Variants in XPO4 observed in about 807,000 individuals in gnomAD.
XPO4 encodes the protein exportin 4.
In XPO4, 39 loss-of-function variants were observed where a neutral mutation model predicts 143.0. That is an observed-to-expected ratio of 0.27 (90% CI 0.21 to 0.36). The LOEUF is 0.36. Among genes scored for constraint, XPO4 ranks in the 10% least tolerant of loss-of-function variants. The pLI, the probability that XPO4 is intolerant of heterozygous loss-of-function variation, is 1.00. For missense variants in XPO4, 907 were observed against 1,348.0 expected (o/e 0.67, Z 5.12); for synonymous variants, 439 against 474.0 (o/e 0.93, Z 0.96).
rs773959204 is a variant in XPO4, at chr13:20,800,854, C to A, written c.1954G>T (p.Val652Leu). ...ACCTGATCATACAGTTTTTCATCCA[C>A]CAGGAGATAAGTCTTTGCCCAGCGT... is the stretch of plus-strand genomic sequence containing the variant. ...LKRWAKTYLLVDEKLYDQISL... is the reference protein window; with the variant it reads ...LKRWAKTYLLLDEKLYDQISL... Residue 652 changes from valine (V) to leucine (L), a missense_variant, in exon 14 of 23, where the codon GTG (valine) becomes TTG (leucine). Transcript: ENST00000255305. 43 of 1,613,662 alleles carry A rather than the reference C, an allele frequency of 2.7e-5. No individual in the cohort carries two copies. Among genetic ancestry groups the A allele is most frequent in the Non-Finnish European group, 3.6e-5 (42 of 1,179,914 alleles).
At chr13:20,847,567 A>G (rs2060040382) in intron 4 of XPO4, among the ~76,000 whole-genome samples, 1 of 152,198 alleles carries the variant, frequency 6.6e-6, no homozygotes, top group South Asian at 2.1e-4. Flanking sequence ...TTAGGTCTCA[A>G]TGGGCATTCC....
intron 1 of XPO4, 29 bp downstream of exon 1, chr13:20,902,641 C>A: frequency 6.5e-7 from 1 of 1,542,914 alleles, no homozygotes; most frequent in Non-Finnish European, 8.7e-7. Flanking sequence ...CCCGCGAATC[C>A]CGGGGTCTGA....
intron 1 of XPO4, among the ~76,000 whole-genome samples, chr13:20,901,063 C>T (rs1435776145): frequency 6.6e-6 from 1 of 152,164 alleles, no homozygotes; most frequent in Non-Finnish European, 1.5e-5. Context: ...GAACTGAGTT[C>T]AAGACCTAAT....
intron 1 of XPO4, among the ~76,000 whole-genome samples, chr13:20,895,275 T>C (rs780438303): frequency 6.6e-6 from 1 of 152,186 alleles, no homozygotes; most frequent in Non-Finnish European, 1.5e-5. Flanking sequence ...ATTCAAACTA[T>C]ATTAAAACTA....
chr13:20,788,444 T>C (rs750077420), intron 20 of XPO4, 42 bp downstream of exon 20: 14 of 1,572,546 alleles, frequency 8.9e-6, no homozygotes, highest in African/African-American at 2.8e-5. Flanking sequence ...AAGATCTTTT[T>C]CCCCAAGTAA....
rs2059366751 is a variant in XPO4 at position 20,796,997 on chromosome 13, T to A, written c.2383A>T (p.Met795Leu). ...RVINQENFQQ[M>L]CQQEEVKQEI... ...TGCTTGACTTCCTCTTGCTGACACA[T>A]CTGCTGGAAGTTTTCTTGGTTTATC... Residue 795 changes from methionine (M) to leucine (L), a missense_variant, in exon 17 of 23, where the codon ATG (methionine) becomes TTG (leucine). By Grantham distance (15) the Met-to-Leu change is conservative (BLOSUM62 2). Coordinates refer to ENST00000255305, the MANE Select transcript of XPO4 (RefSeq NM_022459.5). 6.2e-7 allele frequency: 1 copy of A among 1,612,968 alleles called. No individual in the cohort carries two copies. The highest frequency in any genetic ancestry group is 1.3e-5 in the African/African-American group (1 of 75,000).
chr13:20,854,043 CAACTT>C (rs978879612), intron 4 of XPO4, among the ~76,000 whole-genome samples: 37 of 152,122 alleles, frequency 2.4e-4, no homozygotes, highest in African/African-American at 8.9e-4. Flanking sequence ...ACAACAGTCA[CAACTT>C]AACGAGGTGT....
chr13:20,868,828 T>A, intron 1 of XPO4, 127 bp from the exon 2 acceptor site: 1 of 766,528 alleles, frequency 1.3e-6, no homozygotes, highest in Non-Finnish European at 2.0e-6. Context: ...AATTCTTGCT[T>A]AACTTTTTAA....
At chr13:20,787,180 A>T in intron 21 of XPO4, 123 bp from the exon 22 acceptor site, 3 of 875,522 alleles carry the variant, frequency 3.4e-6, no homozygotes, top group Non-Finnish European at 5.1e-6. Context: ...TCAATCTGAA[A>T]TTTTCCTTAA....
intron 6 of XPO4, among the ~76,000 whole-genome samples, chr13:20,833,902 C>T (rs1317356776): frequency 6.6e-6 from 1 of 152,074 alleles, no homozygotes; most frequent in Non-Finnish European, 1.5e-5. Context: ...GAGACCGCCC[C>T]GGACCCCAGC....
intron 16 of XPO4, among the ~76,000 whole-genome samples, chr13:20,798,859 A>C (rs537953367): frequency 6.6e-6 from 1 of 151,912 alleles, no homozygotes; most frequent in South Asian, 2.1e-4. Context: ...GTCTCTACTA[A>C]AAAAAACAAA....
chr13:20,861,113 T>C (rs1474671795), intron 3 of XPO4, among the ~76,000 whole-genome samples: 1 of 152,162 alleles, frequency 6.6e-6, no homozygotes, highest in Admixed American at 6.5e-5. Context: ...AGCACACACA[T>C]TTCTGATTAC....
intron 6 of XPO4, among the ~76,000 whole-genome samples, chr13:20,829,100 T>G (rs1043667302): frequency 6.6e-5 from 10 of 151,978 alleles, no homozygotes; most frequent in African/African-American, 1.9e-4. Context: ...TCTTTGTGTT[T>G]TGTGTGTGTG....
intron 1 of XPO4, among the ~76,000 whole-genome samples, chr13:20,873,200 A>G (rs918298245): frequency 3.0e-4 from 45 of 151,984 alleles, no homozygotes; most frequent in African/African-American, 9.2e-4. Flanking sequence ...TCTAGCCCCA[A>G]CCCTCAGCAT....
chr13:20,901,381 C>T (rs2060619051), intron 1 of XPO4, among the ~76,000 whole-genome samples: 1 of 152,150 alleles, frequency 6.6e-6, no homozygotes, highest in African/African-American at 2.4e-5. Flanking sequence ...TGGCATACTC[C>T]TTCCAGAATC....
rs1448013537 is a variant in XPO4, at chr13:20,842,881, T to TGTTA, written c.727+10_727+13dup. 6.3e-7 allele frequency: 1 copy of TGTTA among 1,590,218 alleles called. No individual in the cohort carries two copies. Among genetic ancestry groups the TGTTA allele is most frequent in the Non-Finnish European group, 8.6e-7 (1 of 1,164,084 alleles). Reference sequence around the variant, plus strand: ...AATTACCACAGATAAACTATTCATTTGTTAAAAGGATATAATTTGGAGGAA... The same window carrying TGTTA: ...AATTACCACAGATAAACTATTCATTTGTTAGTTAAAAGGATATAATTTGGAGGAA... On this transcript the variant is annotated intron_variant, in intron 6 of 22. Transcript: ENST00000255305.
At chr13:20,810,103 A>G (rs2059558780) in intron 9 of XPO4, 136 bp from the exon 10 acceptor site, 5 of 666,114 alleles carry the variant, frequency 7.5e-6, no homozygotes, top group East Asian at 6.3e-5. Context: ...TTTTTATTGA[A>G]CTTTCTAAAA....
chr13:20,852,399 A>G, intron 4 of XPO4: 1 of 985,404 alleles, frequency 1.0e-6, no homozygotes, highest in Middle Eastern at 5.2e-4. Context: ...TTTTTATCTA[A>G]GTATATCCAC....
intron 7 of XPO4, 41 bp from the exon 8 acceptor site, chr13:20,822,330 C>A: frequency 6.4e-7 from 1 of 1,571,930 alleles, no homozygotes; most frequent in Non-Finnish European, 8.7e-7. Flanking sequence ...TAAATTCTTC[C>A]TTTGTAAGGG....
Sources: gnomAD v4.1 joint callset for allele counts (sites outside exome capture counted in the v4.1 genomes callset) on GRCh38, gnomAD v4.1.1 for gene constraint, MANE v1.5 for transcripts, NCBI Gene and HGNC (gene_info 2026-07-23, HGNC 2026-07-21) for gene names.